The following ATG9B variants were observed in gnomAD, a reference collection of about 807,000 sequenced individuals.
ATG9B encodes autophagy-related protein 9B.
ATG9B carries 92 observed loss-of-function variants against 92.9 expected under a neutral mutation model. The ratio of observed to expected loss-of-function variants is 0.99; its 90% CI spans 0.84 to 1.18. ATG9B has a LOEUF of 1.18. ATG9B is among the 50% of genes most tolerant of loss of function. ATG9B has a pLI of 0.00. For missense variants in ATG9B, 1,344 were observed against 1,235.0 expected (o/e 1.09, Z -1.32); for synonymous variants, 599 against 551.4 (o/e 1.09, Z -1.21).
At chr7:151,023,833 A>G (rs1795842318) in intron 1 of ATG9B, 41 bp downstream of exon 1, 1 of 1,609,994 alleles carries the variant, frequency 6.2e-7, no homozygotes, top group African/African-American at 1.3e-5. Context: ...TGGAGCTCCC[A>G]GGCACCACTA....
At chr7:151,022,188 C>A (rs763407879) in intron 4 of ATG9B, among the ~76,000 whole-genome samples, 1 of 148,422 alleles carries the variant, frequency 6.7e-6, no homozygotes, top group Non-Finnish European at 1.5e-5. Context: ...GAAAATGAAT[C>A]GTCTGCTGGG....
At chr7:151,013,138 G>T (rs1467652945), downstream of ATG9B, 23 of 1,403,276 alleles carry the variant, frequency 1.6e-5, no homozygotes, top group Non-Finnish European at 2.2e-5. Context: ...CCAAAACGCT[G>T]GGCTGCCAGG....
At position 151,021,196 on chromosome 7, in the gene ATG9B, T is replaced by G; in HGVS notation, c.955A>C (p.Ile319Leu). Residue 319 changes from isoleucine (I) to leucine (L), a missense_variant, in exon 5 of 14, where the codon ATC becomes CTC. By Grantham distance (5) the Ile-to-Leu change is conservative (BLOSUM62 2). Transcript: ENST00000639579. ...IQVFYREALH[I>L]PPEELSSVPW... ...ACAGCCACCCAGCTCACCGGGGGGA[T>G]GTGCAGGGCCTCCCTGTAAAACACC... 1 of 1,613,352 alleles carries G rather than the reference T, an allele frequency of 6.2e-7. No individual in the cohort carries two copies. Among genetic ancestry groups the G allele is most frequent in the Non-Finnish European group, 8.5e-7 (1 of 1,179,868 alleles).
chr7:151,017,566 C>A (rs768022652), intron 8 of ATG9B, among the ~76,000 whole-genome samples: 7 of 152,202 alleles, frequency 4.6e-5, no homozygotes, highest in Admixed American at 4.6e-4. Flanking sequence ...CCGGCCAAGC[C>A]CATTCCTCAC....
chr7:151,018,875 T>G lies in ATG9B; in HGVS notation c.1463A>C (p.Gln488Pro). 1 of 1,376,362 alleles carries G rather than the reference T, an allele frequency of 7.3e-7. No individual in the cohort carries two copies. Among genetic ancestry groups the G allele is most frequent in the South Asian group, 1.7e-5 (1 of 60,010 alleles). 85.3% of individuals were successfully genotyped at this position (1,376,362 alleles called of 1,614,324 possible). Residue 488 changes from glutamine to proline, a missense_variant, in exon 6 of 14, where the codon CAG becomes CCG. Transcript: ENST00000639579. This position sits in a 1 kb window ranked among gnomAD's most constrained non-coding sequence, Gnocchi z 4.7. ...CGGCAGCTCGTTGAAGTGGCGCAGCTGCAAGCGCGCCAGGCGGGACCAGCC... is the reference window on the plus strand; with the variant it reads ...CGGCAGCTCGTTGAAGTGGCGCAGCGGCAAGCGCGCCAGGCGGGACCAGCC... ...ARGWSRLARL[Q>P]LRHFNELPHE...
chr7:151,023,660 C>T (rs763692415), intron 2 of ATG9B, 27 bp downstream of exon 2: 1 of 1,613,856 alleles, frequency 6.2e-7, no homozygotes, highest in South Asian at 1.1e-5. Flanking sequence ...TCCCATGCCA[C>T]CTCTGCAGGC....
chr7:151,021,156 A>T lies in ATG9B; in HGVS notation c.963+32T>A, dbSNP rs1795730150. Reference sequence around the variant, plus strand: ...TCTCCTCTGCCCACCCTCTCACGGCACCCTCTGCACAGACACAGCCACCCA... The same window carrying T: ...TCTCCTCTGCCCACCCTCTCACGGCTCCCTCTGCACAGACACAGCCACCCA... On this transcript the variant is annotated intron_variant, in intron 5 of 13. Coordinates refer to ENST00000639579, the MANE Select transcript of ATG9B (RefSeq NM_001317056.2). The T allele has an allele frequency of 1.9e-6, 3 of 1,610,906 alleles. No homozygotes were observed. In the East Asian group the frequency reaches 6.7e-5, roughly 36 times the overall value.
downstream of ATG9B, chr7:151,013,765 G>A (rs1350625137): frequency 1.2e-6 from 2 of 1,611,310 alleles, no homozygotes; most frequent in African/African-American, 2.7e-5. Context: ...TGGCTGCGGA[G>A]GTGCACCGCG....
chr7:151,017,147 C>G lies in ATG9B; in HGVS notation c.2178G>C (p.Lys726Asn). 1 of 1,613,160 alleles carries G rather than the reference C, an allele frequency of 6.2e-7. No individual in the cohort carries two copies. Among genetic ancestry groups the G allele is most frequent in the Non-Finnish European group, 8.5e-7 (1 of 1,179,860 alleles). The change falls in exon 9 of 14, where the codon AAG (lysine) becomes AAC (asparagine). Residue 726 changes from lysine to asparagine, a missense_variant. By Grantham distance (94) the Lys-to-Asn change is moderately conservative. Coordinates refer to ENST00000639579, the MANE Select transcript of ATG9B (RefSeq NM_001317056.2). ...CTCGGCCCCAGAGGTGCCCAAGAAA[C>G]TTAGAGCTGTGCCCTGGGGGGCGCC... ...PLWRPPGHSS[K>N]FLGHLWGRVQ...
At position 151,016,236 on chromosome 7, in the gene ATG9B, C is replaced by T; in HGVS notation, c.2521-1G>A. The T allele has an allele frequency of 6.7e-7, 1 of 1,490,496 alleles. No individual in the cohort carries two copies. Among genetic ancestry groups the T allele is most frequent in the Non-Finnish European group, 9.0e-7 (1 of 1,116,454 alleles). 92.3% of individuals were successfully genotyped at this position (1,490,496 alleles called of 1,614,324 possible). On this transcript the variant is annotated splice_acceptor_variant, in intron 11 of 13. Transcript: ENST00000639579. LOFTEE classifies it high-confidence loss of function. ...CCTGCTGCTGCTGCTGCTGGTGAAG[C>T]TGCATGGAAAGGAGGAGGAATGAGG... is the stretch of plus-strand genomic sequence containing the variant.
At position 151,018,997 on chromosome 7, in the gene ATG9B, C is replaced by T. The variant is rs1266602646; in HGVS notation, c.1341G>A (p.Leu447=). ...RTVLLLAALN[L]ALSPLVLAWQ... is the part of the protein sequence containing the mutation. ...AGGCCAGCACCAGCGGGCTCAGCGCCAGGTTCAGGGCGGCCAGCAGCAGCA... is the reference window on the plus strand; with the variant it reads ...AGGCCAGCACCAGCGGGCTCAGCGCTAGGTTCAGGGCGGCCAGCAGCAGCA... The change falls in exon 6 of 14, where the codon CTG becomes CTA. Residue 447 remains leucine (L), a synonymous_variant. Coordinates refer to ENST00000639579, the MANE Select transcript of ATG9B (RefSeq NM_001317056.2). The surrounding 1 kb of genome is among the most constrained non-coding windows in gnomAD (Gnocchi z 4.7). 2 of 1,572,724 alleles carry T rather than the reference C, an allele frequency of 1.3e-6. No homozygotes were observed. The highest frequency in any genetic ancestry group is 1.7e-4 in the Middle Eastern group (1 of 5,930).
chr7:151,013,917 G>A (rs1252344410), downstream of ATG9B: 6 of 1,598,578 alleles, frequency 3.8e-6, no homozygotes, highest in Non-Finnish European at 4.3e-6. Flanking sequence ...GGCGTGCTGC[G>A]GGTGCGGAGG....
chr7:151,024,132 G>T lies in ATG9B; in HGVS notation c.292C>A (p.Pro98Thr), dbSNP rs755526299. 35 of 1,592,124 alleles carry T rather than the reference G, an allele frequency of 2.2e-5. No homozygotes were observed. In the Admixed American group the frequency reaches 4.1e-4, roughly 19 times the overall value. Reference protein sequence around the residue: ...HSALPIPATPPTQAQPAMTPA... With the variant: ...HSALPIPATPTTQAQPAMTPA... ...GTCATTGCAGGTTGAGCCTGTGTTG[G>T]GGGGGTGGCTGGGATAGGGAGAGCA... The change falls in exon 1 of 14, where the codon CCA (proline) becomes ACA (threonine). Residue 98 changes from proline (P) to threonine (T), a missense_variant. Coordinates refer to ENST00000639579, the MANE Select transcript of ATG9B (RefSeq NM_001317056.2).
Position 151,016,445 on chromosome 7 carries a change from T to A in ATG9B, c.2506A>T (p.Ile836Phe), listed in dbSNP as rs1346995594. 1 of 1,551,482 alleles carries A rather than the reference T, an allele frequency of 6.4e-7. No homozygotes were observed. Among genetic ancestry groups the A allele is most frequent in the Non-Finnish European group, 8.7e-7 (1 of 1,146,952 alleles). ...LASAEMSLHV[I>F]YLHQLHQQQQ... ...CCTCTACTCACCTGGTGCAGGTAGA[T>A]GACATGGAGACTCATCTCGGCAGAA... is the stretch of plus-strand genomic sequence containing the variant. The change falls in exon 11 of 14, where the codon ATC (isoleucine) becomes TTC (phenylalanine). Residue 836 changes from isoleucine to phenylalanine, a missense_variant. Coordinates refer to ENST00000639579, the MANE Select transcript of ATG9B (RefSeq NM_001317056.2).
chr7:151,023,358 G>A (rs1402081986), intron 3 of ATG9B, 87 bp downstream of exon 3: 69 of 1,598,056 alleles, frequency 4.3e-5, no homozygotes, highest in Non-Finnish European at 5.8e-5. Flanking sequence ...TGGGATGGAA[G>A]CAGCTGGCAC....
downstream of ATG9B, chr7:151,013,882 G>A (rs201018945): frequency 9.4e-5 from 151 of 1,601,510 alleles, 1 homozygote; most frequent in Admixed American, 2.1e-3. Flanking sequence ...GCGACATGGA[G>A]CTGGACGAGG....
chr7:151,019,148 G>T lies in ATG9B; in HGVS notation c.1190C>A (p.Ala397Glu). The change falls in exon 6 of 14, where the codon GCG becomes GAG. Residue 397 changes from alanine (A) to glutamate (E), a missense_variant. Coordinates refer to ENST00000639579, the MANE Select transcript of ATG9B (RefSeq NM_001317056.2). ...GSAAFLSRGL[A>E]LNVDLLLFRG... ...GAAGAGCAGCAGGTCGACATTGAGC[G>T]CCAGGCCGCGGCTGAGGAAAGCCGC... is the stretch of plus-strand genomic sequence containing the variant. 1 of 1,536,104 alleles carries T rather than the reference G, an allele frequency of 6.5e-7. No individual in the cohort carries two copies. The highest frequency in any genetic ancestry group is 8.7e-7 in the Non-Finnish European group (1 of 1,146,602).
At chr7:151,022,665 A>G (rs1795794262) in intron 4 of ATG9B, among the ~76,000 whole-genome samples, 1 of 151,834 alleles carries the variant, frequency 6.6e-6, no homozygotes, top group African/African-American at 2.4e-5. Context: ...CCTGGCCAAC[A>G]TGGTGAAACC....
chr7:151,013,457 C>A, downstream of ATG9B: 1 of 1,505,160 alleles, frequency 6.6e-7, no homozygotes, highest in South Asian at 1.3e-5. Context: ...GCGGGGCACA[C>A]CAACCACGGC....
Sources: allele counts gnomAD v4.1 joint callset (sites outside exome capture counted in the v4.1 genomes callset), GRCh38; gene constraint gnomAD v4.1.1; non-coding constraint Gnocchi (gnomAD v3.1); transcripts MANE v1.5; gene names NCBI Gene and HGNC (gene_info 2026-07-23, HGNC 2026-07-21).